Variants in ROR1 observed in about 807,000 individuals in gnomAD.
The protein encoded by ROR1 is ROR family WNT receptor 1.
Under a neutral mutation model 78.8 loss-of-function variants are expected in ROR1, and 19 were observed. That is an observed-to-expected ratio of 0.24 (90% confidence interval 0.17 to 0.35). The LOEUF is 0.35. ROR1 is among the 10% of genes least tolerant of loss of function. ROR1 has a pLI of 1.00. For synonymous variants in ROR1, 386 were observed against 433.6 expected (o/e 0.89, Z 1.36); for missense variants, 917 against 1,177.8 (o/e 0.78, Z 3.24).
At chr1:63,788,746 G>A (rs1020421174) in intron 1 of ROR1, 2 of 481,250 alleles carry the variant, frequency 4.2e-6, no homozygotes, top group Non-Finnish European at 8.0e-6. Context: ...CTTGGACAAG[G>A]TCTTGATGAT....
chr1:63,796,428 C>T (rs534747652), intron 1 of ROR1, among the ~76,000 whole-genome samples: 1 of 152,290 alleles, frequency 6.6e-6, no homozygotes, highest in African/African-American at 2.4e-5. Flanking sequence ...TCAGAAGCTG[C>T]ATTTTAACAT....
Position 64,140,276 on chromosome 1 carries a change from T to A in ROR1, c.778T>A (p.Cys260Ser). The A allele has an allele frequency of 6.2e-7, 1 of 1,614,200 alleles. No individual in the cohort carries two copies. The highest frequency in any genetic ancestry group is 8.5e-7 in the Non-Finnish European group (1 of 1,180,020). Residue 260 changes from cysteine to serine, a missense_variant, in exon 6 of 9, where the codon TGT becomes AGT. Cys to Ser is a moderately radical substitution (Grantham distance 112, BLOSUM62 -1). Around this residue, in one of 3 missense-constraint regions of ROR1, gnomAD observed 835 missense variants for 1,069.8 expected, o/e 0.78. Transcript: ENST00000371079. ...ATGTGAAATCCTGGAGAATGTCCTG[T>A]GTCAAACAGAGTACATTTTTGCAAG... ...DECEILENVL[C>S]QTEYIFARSN...
intron 1 of ROR1, among the ~76,000 whole-genome samples, chr1:63,923,125 T>A (rs993162744): frequency 1.3e-5 from 2 of 152,148 alleles, no homozygotes; most frequent in Admixed American, 6.6e-5. Context: ...TAAAACAGAT[T>A]GCGTGTGACA....
intron 1 of ROR1, among the ~76,000 whole-genome samples, chr1:63,981,079 ATGT>A (rs1646206671): frequency 6.6e-6 from 1 of 152,132 alleles, no homozygotes; most frequent in Non-Finnish European, 1.5e-5. Flanking sequence ...AATCAGTTTG[ATGT>A]TGTTCATAAC....
chr1:63,785,484 A>C (rs1644678118), intron 1 of ROR1, among the ~76,000 whole-genome samples: 1 of 146,090 alleles, frequency 6.8e-6, no homozygotes, highest in Non-Finnish European at 1.5e-5. Flanking sequence ...AGCAGCAACT[A>C]TATATATATA....
chr1:64,158,371 G>A (rs1217158348), intron 7 of ROR1, among the ~76,000 whole-genome samples: 2 of 152,298 alleles, frequency 1.3e-5, no homozygotes, highest in East Asian at 1.9e-4. Context: ...GCCCAGAGAC[G>A]TGAATATTTG....
intron 4 of ROR1, among the ~76,000 whole-genome samples, chr1:64,087,938 G>A (rs1029875760): frequency 2.0e-5 from 3 of 152,156 alleles, no homozygotes; most frequent in African/African-American, 4.8e-5. Flanking sequence ...TCAGAGAAAG[G>A]CCAGTACACT....
At chr1:63,973,530 AATTAATAGAAC>A (rs1299532218) in intron 1 of ROR1, among the ~76,000 whole-genome samples, 1 of 152,154 alleles carries the variant, frequency 6.6e-6, no homozygotes, top group African/African-American at 2.4e-5. Flanking sequence ...GGTGACTATA[AATTAATAGAAC>A]ACTCATGTAA....
chr1:63,786,426 C>G (rs1035574156), intron 1 of ROR1, among the ~76,000 whole-genome samples: 1 of 151,638 alleles, frequency 6.6e-6, no homozygotes, highest in Admixed American at 6.6e-5. Flanking sequence ...GCACCCGCCA[C>G]CACGGCCAGC....
At chr1:64,146,287 C>T (rs1649471477) in intron 7 of ROR1, among the ~76,000 whole-genome samples, 1 of 152,124 alleles carries the variant, frequency 6.6e-6, no homozygotes, top group South Asian at 2.1e-4. Flanking sequence ...ACCAGCCTGG[C>T]CAACATGGTG....
intron 4 of ROR1, among the ~76,000 whole-genome samples, chr1:64,083,702 C>A (rs553863642): frequency 3.3e-5 from 5 of 151,844 alleles, no homozygotes; most frequent in Admixed American, 6.6e-5. Context: ...AAGAGAGAAA[C>A]CTCTTTTCTG....
chr1:64,165,377 C>A (rs147962091), intron 8 of ROR1, among the ~76,000 whole-genome samples: 1 of 152,064 alleles, frequency 6.6e-6, no homozygotes, highest in Admixed American at 6.6e-5. Context: ...TTGTTGGCCA[C>A]ACGTATGTCT....
chr1:64,078,313 G>C (rs141249422), intron 4 of ROR1, among the ~76,000 whole-genome samples: 28 of 152,160 alleles, frequency 1.8e-4, no homozygotes, highest in Non-Finnish European at 3.7e-4. Context: ...AGATCATTGC[G>C]GGCACAGGAA....
chr1:64,138,268 C>T (rs551835472), intron 5 of ROR1, among the ~76,000 whole-genome samples: 2 of 152,160 alleles, frequency 1.3e-5, no homozygotes, highest in Admixed American at 1.3e-4. Flanking sequence ...ATGAGGTTGC[C>T]ATATCTAGCA....
Position 63,784,366 on chromosome 1 carries a change from C to T in ROR1, c.91+9858C>T, listed in dbSNP as rs1644671344. Reference sequence around the variant, plus strand: ...CTACTTTTGTTTGGAATTTGTGCCTCTAATATACTGATATATGACTATTTT... The same window carrying T: ...CTACTTTTGTTTGGAATTTGTGCCTTTAATATACTGATATATGACTATTTT... On this transcript the variant is annotated intron_variant, in intron 1 of 8. Coordinates refer to ENST00000371079, the MANE Select transcript of ROR1 (RefSeq NM_005012.4). Among the ~76,000 whole-genome samples, 3 of 152,118 alleles carry T rather than the reference C, an allele frequency of 2.0e-5. No individual in the cohort carries two copies. In the South Asian group the frequency reaches 6.2e-4, roughly 32 times the overall value.
chr1:63,908,839 A>G (rs1569893444), intron 1 of ROR1, among the ~76,000 whole-genome samples: 1 of 152,204 alleles, frequency 6.6e-6, no homozygotes, highest in Non-Finnish European at 1.5e-5. Context: ...GGCCCCTACC[A>G]TGAAAGCCCT....
intron 1 of ROR1, among the ~76,000 whole-genome samples, chr1:63,905,266 G>A (rs939742671): frequency 2.1e-4 from 32 of 152,230 alleles, no homozygotes; most frequent in African/African-American, 6.0e-4. Context: ...AAGCAATGTG[G>A]ACACAAACTA....
intron 4 of ROR1, among the ~76,000 whole-genome samples, chr1:64,116,771 G>A (rs555734518): frequency 5.3e-5 from 8 of 152,116 alleles, no homozygotes; most frequent in Non-Finnish European, 8.8e-5. Flanking sequence ...CTTCCATTCT[G>A]CCATGACTTT....
At chr1:63,776,338 G>A (rs975471339) in intron 1 of ROR1, among the ~76,000 whole-genome samples, 3 of 152,122 alleles carry the variant, frequency 2.0e-5, no homozygotes, top group African/African-American at 7.2e-5. Flanking sequence ...GCCTTTTAGA[G>A]TTGTTTAAAA....
Sources: gnomAD v4.1 joint callset for allele counts (sites outside exome capture counted in the v4.1 genomes callset) on GRCh38, gnomAD v4.1.1 for gene constraint, gnomAD v4.1.1 regional missense constraint, MANE v1.5 for transcripts, NCBI Gene and HGNC (gene_info 2026-07-23, HGNC 2026-07-21) for gene names.